Variants in AUTS2 observed in about 807,000 individuals in gnomAD.
AUTS2 encodes activator of transcription and developmental regulator AUTS2.
A neutral mutation model predicts 112.4 loss-of-function variants in AUTS2; 17 were observed. The observed-to-expected ratio is 0.15, with a 90% confidence interval of 0.10 to 0.23. The LOEUF (loss-of-function observed/expected upper bound fraction) is 0.23. Ranked by LOEUF, AUTS2 falls within the 10% of genes least tolerant of loss-of-function variation. The probability of loss-of-function intolerance (pLI) is 1.00; values close to 1 mark genes in which losing one functional copy is unlikely to be tolerated. For missense variants in AUTS2, 1,510 were observed against 1,701.6 expected, an observed-to-expected ratio of 0.89 and a Z score of 1.98; for synonymous variants, 751 against 702.7, an observed-to-expected ratio of 1.07 and a Z score of -1.09.
intron 4 of AUTS2, among the ~76,000 whole-genome samples, chr7:70,239,960 T>C (rs1387331510): frequency 6.6e-6 from 1 of 152,092 alleles, no homozygotes; most frequent in Non-Finnish European, 1.5e-5. Context: ...TAAGTAACGG[T>C]AGGTAAGGAA....
chr7:70,406,183 C>T (rs1395555523), intron 4 of AUTS2, among the ~76,000 whole-genome samples: 2 of 152,160 alleles, frequency 1.3e-5, no homozygotes, highest in Non-Finnish European at 2.9e-5. Flanking sequence ...GCCAGGCCTC[C>T]CTCTGCCTTT....
chr7:70,649,905 G>T (rs1436903979), intron 5 of AUTS2, among the ~76,000 whole-genome samples: 1 of 152,198 alleles, frequency 6.6e-6, no homozygotes, highest in Non-Finnish European at 1.5e-5. Flanking sequence ...CCTCAATCAT[G>T]TGGTGCTTGG....
intron 4 of AUTS2, among the ~76,000 whole-genome samples, chr7:70,422,311 C>T (rs1795257136): frequency 6.6e-6 from 1 of 152,256 alleles, no homozygotes; most frequent in South Asian, 2.1e-4. Context: ...CACCATTGTC[C>T]CTCTTCCTGC....
At chr7:70,710,703 G>A (rs936845878) in intron 6 of AUTS2, among the ~76,000 whole-genome samples, 4 of 152,216 alleles carry the variant, frequency 2.6e-5, no homozygotes, top group African/African-American at 7.2e-5. Context: ...AGTCCATAAT[G>A]TGTTCCTTGG....
intron 2 of AUTS2, among the ~76,000 whole-genome samples, chr7:70,051,649 G>A (rs1801762254): frequency 6.6e-6 from 1 of 152,092 alleles, no homozygotes; most frequent in Non-Finnish European, 1.5e-5. Flanking sequence ...AACCCGGAAG[G>A]TGAAGGTTGC....
chr7:69,640,322 GA>G (rs1468275313), intron 1 of AUTS2, among the ~76,000 whole-genome samples: 1 of 152,250 alleles, frequency 6.6e-6, no homozygotes, highest in Non-Finnish European at 1.5e-5. Context: ...GCCGGGGATG[GA>G]GGGCATTCTC....
intron 1 of AUTS2, among the ~76,000 whole-genome samples, chr7:69,801,282 A>G (rs1279660465): frequency 6.6e-6 from 1 of 151,054 alleles, no homozygotes; most frequent in African/African-American, 2.4e-5. Context: ...GCTAGGTTCT[A>G]TGAGAAAGAA....
intron 1 of AUTS2, among the ~76,000 whole-genome samples, chr7:69,764,429 G>A (rs899997800): frequency 2.0e-5 from 3 of 151,870 alleles, no homozygotes; most frequent in Admixed American, 6.6e-5. Context: ...GCGGGCAGGG[G>A]CGCAGGTCTC....
intron 2 of AUTS2, among the ~76,000 whole-genome samples, chr7:70,050,650 T>C (rs1801708370): frequency 6.6e-6 from 1 of 152,150 alleles, no homozygotes; most frequent in Admixed American, 6.5e-5. Flanking sequence ...TGCTTACTTC[T>C]AACTTCCCCA....
At chr7:69,834,510 T>A (rs1192901089) in intron 1 of AUTS2, among the ~76,000 whole-genome samples, 1 of 152,234 alleles carries the variant, frequency 6.6e-6, no homozygotes, top group African/African-American at 2.4e-5. Flanking sequence ...ATCACTTTAT[T>A]CTGGCTCTGT....
At chr7:69,868,967 C>G (rs562071205) in intron 1 of AUTS2, among the ~76,000 whole-genome samples, 3 of 152,280 alleles carry the variant, frequency 2.0e-5, no homozygotes, top group African/African-American at 7.2e-5. Flanking sequence ...TGGTTCAGTG[C>G]ATACCTATAA....
chr7:69,763,820 T>C (rs549694826), intron 1 of AUTS2, among the ~76,000 whole-genome samples: 77 of 152,340 alleles, frequency 5.1e-4, no homozygotes, highest in African/African-American at 1.7e-3. Flanking sequence ...ACATAGCTCA[T>C]GTTCTCCTTA....
intron 4 of AUTS2, among the ~76,000 whole-genome samples, chr7:70,312,968 T>C (rs1375055514): frequency 6.6e-6 from 1 of 152,202 alleles, no homozygotes; most frequent in Non-Finnish European, 1.5e-5. Flanking sequence ...ATTGCTCTAG[T>C]TGTGGAAGAT....
chr7:70,158,507 T>C (rs951611914), intron 4 of AUTS2, among the ~76,000 whole-genome samples: 5 of 152,022 alleles, frequency 3.3e-5, no homozygotes, highest in Non-Finnish European at 7.4e-5. Flanking sequence ...ACCAAGTGAG[T>C]GCTGGTACAA....
At chr7:70,709,743 C>T (rs1216203539) in intron 6 of AUTS2, among the ~76,000 whole-genome samples, 1 of 152,188 alleles carries the variant, frequency 6.6e-6, no homozygotes, top group Non-Finnish European at 1.5e-5. Flanking sequence ...TTTAGGGCCT[C>T]TCAGAACCTG....
At chr7:70,787,187 G>A (rs1563199958) in intron 17 of AUTS2, 22 bp from the exon 18 acceptor site, 3 of 1,611,898 alleles carry the variant, frequency 1.9e-6, no homozygotes, top group Non-Finnish European at 2.5e-6. Context: ...AAACCTTTTT[G>A]TTCTCCACTT....
chr7:70,326,032 C>T (rs1006766596), intron 4 of AUTS2, among the ~76,000 whole-genome samples: 4 of 152,158 alleles, frequency 2.6e-5, no homozygotes, highest in Non-Finnish European at 5.9e-5. Flanking sequence ...CTGCTTTTTG[C>T]CCTGCTGATG....
chr7:70,758,441 T>A (rs1183370217), intron 6 of AUTS2, among the ~76,000 whole-genome samples: 1 of 152,214 alleles, frequency 6.6e-6, no homozygotes, highest in Non-Finnish European at 1.5e-5. Context: ...GCAACTTGTA[T>A]CAAACCTATA....
chr7:69,729,331 T>A (rs930628994), intron 1 of AUTS2, among the ~76,000 whole-genome samples: 2 of 148,648 alleles, frequency 1.3e-5, no homozygotes, highest in East Asian at 3.9e-4. Flanking sequence ...ATTCTTTTAA[T>A]AGCATTTTTT....
Sources: gnomAD v4.1 joint callset for allele counts (sites outside exome capture counted in the v4.1 genomes callset) on GRCh38, gnomAD v4.1.1 for gene constraint, MANE v1.5 for transcripts, NCBI Gene and HGNC (gene_info 2026-07-23, HGNC 2026-07-21) for gene names.